STK40: variants seen among roughly 807,000 people sequenced by gnomAD.
STK40 encodes the protein serine/threonine kinase 40, also known as serine/threonine-protein kinase 40.
In STK40, 13 loss-of-function variants were observed where a neutral mutation model predicts 47.9. The ratio of observed to expected loss-of-function variants is 0.27; its 90% confidence interval spans 0.18 to 0.43. The LOEUF is 0.43. Ranked by LOEUF, STK40 falls within the 20% of genes least tolerant of loss-of-function variation. The pLI, the probability that STK40 is intolerant of heterozygous loss-of-function variation, is 1.00. For synonymous variants in STK40, 225 were observed against 243.2 expected (o/e 0.93, Z 0.69); for missense variants, 460 against 595.1 (o/e 0.77, Z 2.36).
intron 1 of STK40, among the ~76,000 whole-genome samples, chr1:36,370,595 G>A (rs909198825): frequency 3.3e-5 from 5 of 152,196 alleles, no homozygotes; most frequent in South Asian, 2.1e-4. Context: ...GTGCACACTA[G>A]GTGGCTGCCA....
intron 1 of STK40, among the ~76,000 whole-genome samples, chr1:36,377,920 G>T (rs538306913): frequency 6.6e-6 from 1 of 152,202 alleles, no homozygotes; most frequent in Non-Finnish European, 1.5e-5. Flanking sequence ...CGTGGTAGAG[G>T]CTATAAAGCC....
At chr1:36,347,175 C>T (rs1309637706) in intron 7 of STK40, among the ~76,000 whole-genome samples, 1 of 152,068 alleles carries the variant, frequency 6.6e-6, no homozygotes, top group Non-Finnish European at 1.5e-5. Context: ...ATTACAGCAG[C>T]CTGCTCACCA....
intron 1 of STK40, among the ~76,000 whole-genome samples, chr1:36,371,661 C>A (rs1011385205): frequency 4.1e-5 from 5 of 121,138 alleles, no homozygotes; most frequent in African/African-American, 1.6e-4. Context: ...CTCCAGCCTG[C>A]GTGACAGAGC....
At chr1:36,343,266 GGC>G (rs1156893087) in intron 10 of STK40, 96 bp downstream of exon 10, 1 of 1,307,498 alleles carries the variant, frequency 7.6e-7, no homozygotes, top group East Asian at 2.5e-5. Flanking sequence ...GAAACTCTGT[GGC>G]CTGCGGGTAG....
chr1:36,356,192 C>T (rs1009540577), intron 4 of STK40, among the ~76,000 whole-genome samples: 12 of 152,132 alleles, frequency 7.9e-5, no homozygotes, highest in African/African-American at 2.7e-4. Context: ...CATGCACTGC[C>T]AGGGCTCAGT....
intron 7 of STK40, among the ~76,000 whole-genome samples, chr1:36,345,614 C>T (rs1339835258): frequency 1.3e-5 from 2 of 152,190 alleles, no homozygotes; most frequent in African/African-American, 4.8e-5. Context: ...TTTCCTAGAA[C>T]TTGCTCCACC....
chr1:36,360,477 A>C (rs1435299970), intron 2 of STK40, among the ~76,000 whole-genome samples: 6 of 152,184 alleles, frequency 3.9e-5, no homozygotes, highest in Admixed American at 3.3e-4. Context: ...AATGGCATAA[A>C]GCAGTGCCTT....
At chr1:36,382,146 A>C (rs560717621) in intron 1 of STK40, among the ~76,000 whole-genome samples, 5 of 152,108 alleles carry the variant, frequency 3.3e-5, no homozygotes, top group Non-Finnish European at 5.9e-5. Flanking sequence ...GCAGGGACAC[A>C]CAGAGAAGAA....
chr1:36,356,650 C>T (rs1242688536), intron 4 of STK40, among the ~76,000 whole-genome samples: 4 of 152,024 alleles, frequency 2.6e-5, no homozygotes, highest in Non-Finnish European at 5.9e-5. Flanking sequence ...TGGTCTCAAT[C>T]TCCTGACCTC....
chr1:36,350,671 C>T lies in STK40; in HGVS notation c.624-1856G>A, dbSNP rs117820400. 2.6e-4 allele frequency among the ~76,000 whole-genome samples: 39 copies of T among 152,338 alleles called. No homozygotes were observed. In the East Asian group the frequency reaches 6.6e-3, roughly 26 times the overall value. ...GTAGAAGCTGGTGTCCTCTCATCTC[C>T]GATGGTTGGCACACCTGGTAGGAAA... On this transcript the variant is annotated intron_variant, in intron 6 of 10. Transcript: ENST00000373132.
chr1:36,359,847 GC>G (rs1400184768), intron 2 of STK40, among the ~76,000 whole-genome samples: 1 of 152,126 alleles, frequency 6.6e-6, no homozygotes, highest in Admixed American at 6.5e-5. Context: ...CTAATGTTGG[GC>G]TCCTAGTTCC....
At chr1:36,358,189 A>G in intron 4 of STK40, 50 bp downstream of exon 4, 1 of 1,496,784 alleles carries the variant, frequency 6.7e-7, no homozygotes, top group Non-Finnish European at 9.0e-7. Flanking sequence ...GTGGCAGCCC[A>G]CAGAGCCAGC....
At chr1:36,345,999 T>TTTTTTTTTTTTTTG (rs1646699029) in intron 7 of STK40, among the ~76,000 whole-genome samples, 1 of 83,604 alleles carries the variant, frequency 1.2e-5, no homozygotes, top group Non-Finnish European at 2.3e-5. Context: ...ATATTTTTTT[T>TTTTTTTTTTTTTTG]TTTTTTTTTT....
chr1:36,354,682 G>T (rs1012808642), intron 5 of STK40, among the ~76,000 whole-genome samples: 3 of 152,146 alleles, frequency 2.0e-5, no homozygotes, highest in African/African-American at 4.8e-5. Flanking sequence ...GCAGTGGCTG[G>T]TGGCGAAAGT....
chr1:36,361,881 C>G (rs145419726), intron 1 of STK40, among the ~76,000 whole-genome samples: 1 of 152,158 alleles, frequency 6.6e-6, no homozygotes, highest in African/African-American at 2.4e-5. Context: ...CTTATGCCCA[C>G]GGAGTTTGAT....
At position 36,355,295 on chromosome 1, in the gene STK40, G is replaced by A. The variant is rs199552059; in HGVS notation, c.481C>T (p.His161Tyr). ...AGCCTCTTCTCCTTGATGACGTAGTGCTGCAGGTTGATGAGGTCAGCGGTC... is the reference window on the plus strand; with the variant it reads ...AGCCTCTTCTCCTTGATGACGTAGTACTGCAGGTTGATGAGGTCAGCGGTC... ...DKTADLINLQ[H>Y]YVIKEKRLSE... The change falls in exon 5 of 11, where the codon CAC becomes TAC. Residue 161 changes from histidine (H) to tyrosine (Y), a missense_variant. By Grantham distance (83) the His-to-Tyr change is moderately conservative. This residue lies in a region of STK40 where 277 missense variants were observed against 358.7 expected (regional missense o/e 0.77). Coordinates refer to ENST00000373132, the MANE Select transcript of STK40 (RefSeq NM_001282547.2). 6.2e-7 allele frequency: 1 copy of A among 1,614,108 alleles called. No individual in the cohort carries two copies.
chr1:36,355,040 G>C (rs1233699245), intron 5 of STK40, among the ~76,000 whole-genome samples, 166 bp downstream of exon 5: 1 of 152,136 alleles, frequency 6.6e-6, no homozygotes, highest in Non-Finnish European at 1.5e-5. Context: ...CTGCAGGGTG[G>C]CACTGTGCCT....
intron 1 of STK40, among the ~76,000 whole-genome samples, chr1:36,385,502 A>C (rs79001088): frequency 6.6e-6 from 1 of 152,222 alleles, no homozygotes; most frequent in East Asian, 1.9e-4. Context: ...CGGGGACTGA[A>C]GCTCCCGCGG....
At chr1:36,369,151 T>C (rs912036777) in intron 1 of STK40, among the ~76,000 whole-genome samples, 4 of 152,128 alleles carry the variant, frequency 2.6e-5, no homozygotes, top group African/African-American at 9.7e-5. Flanking sequence ...TGTGCTATTA[T>C]CAAAGAATTG....
Sources: allele counts gnomAD v4.1 joint callset (sites outside exome capture counted in the v4.1 genomes callset), GRCh38; gene constraint gnomAD v4.1.1; regional missense constraint gnomAD v4.1.1; transcripts MANE v1.5; gene names NCBI Gene and HGNC (gene_info 2026-07-23, HGNC 2026-07-21).